The following NUTM2G variants were observed in gnomAD, a reference collection of about 807,000 sequenced individuals.
The protein encoded by NUTM2G is NUT family member 2G.
NUTM2G carries 29 observed loss-of-function variants against 44.3 expected under a neutral mutation model. The ratio of observed to expected loss-of-function variants is 0.66; its 90% CI spans 0.49 to 0.89. NUTM2G has a LOEUF of 0.89. NUTM2G is among the 40% of genes least tolerant of loss of function. The probability of loss-of-function intolerance (pLI) is 0.00; values close to 1 mark genes in which losing one functional copy is unlikely to be tolerated. For missense variants in NUTM2G, 502 were observed against 946.5 expected (o/e 0.53, Z 6.16); for synonymous variants, 205 against 395.9 (o/e 0.52, Z 5.72).
chr9:96,931,183 C>T (rs148635120), intron 1 of NUTM2G, among the ~76,000 whole-genome samples: 6 of 152,012 alleles, frequency 3.9e-5, no homozygotes, highest in South Asian at 2.1e-4. Flanking sequence ...CCAGCATGCC[C>T]GGCCTATCCA....
At position 96,937,221 on chromosome 9, in the gene NUTM2G, G is replaced by A. The variant is rs762786720; in HGVS notation, c.1140G>A (p.Val380=). Residue 380 remains valine (V), a synonymous_variant, in exon 5 of 7, where the codon GTG becomes GTA. Transcript: ENST00000372322. ...KVPEEIPPEV[V]QEYVDIMEEL... ...CTGAGGAGATCCCCCCTGAAGTGGTGCAGGAGTATGTGGACATCATGGAGG... is the reference window on the plus strand; with the variant it reads ...CTGAGGAGATCCCCCCTGAAGTGGTACAGGAGTATGTGGACATCATGGAGG... 8.7e-6 allele frequency: 14 copies of A among 1,613,044 alleles called. No individual in the cohort carries two copies. The highest frequency in any genetic ancestry group is 5.3e-5 in the African/African-American group (4 of 74,900).
At chr9:96,929,819 G>A (rs928373879) in intron 1 of NUTM2G, among the ~76,000 whole-genome samples, 1 of 151,956 alleles carries the variant, frequency 6.6e-6, no homozygotes, top group Non-Finnish European at 1.5e-5. Context: ...GTGTTACTGT[G>A]GAGGTGAAGA....
At chr9:96,932,973 CTTTTCTTTTTTT>C (rs1282230651) in intron 2 of NUTM2G, among the ~76,000 whole-genome samples, 2 of 145,716 alleles carry the variant, frequency 1.4e-5, no homozygotes, top group African/African-American at 5.1e-5. Context: ...CTTTTCTTTT[CTTTTCTTTTTTT>C]TTTTTTTTTT....
chr9:96,931,748 A>C lies in NUTM2G; in HGVS notation c.43A>C (p.Thr15Pro), dbSNP rs1227823908. The C allele has an allele frequency of 1.2e-6, 2 of 1,611,310 alleles. No individual in the cohort carries two copies. The highest frequency in any genetic ancestry group is 1.7e-6 in the Non-Finnish European group (2 of 1,179,818). ...ATACCCAGTGCTGGGACCCGGCGTG[A>C]CCGTGAACCCTGGCACCTCCCTGTC... is the stretch of plus-strand genomic sequence containing the variant. ...GAYPVLGPGV[T>P]VNPGTSLSVF... is the part of the protein sequence containing the mutation. Residue 15 changes from threonine to proline, a missense_variant, in exon 2 of 7, where the codon ACC becomes CCC. Physicochemically the swap from Thr to Pro is conservative, Grantham distance 38. Coordinates refer to ENST00000372322, the MANE Select transcript of NUTM2G (RefSeq NM_001170741.3).
chr9:96,932,978 CTT>C (rs573653882), intron 2 of NUTM2G, among the ~76,000 whole-genome samples: 11 of 129,396 alleles, frequency 8.5e-5, no homozygotes, highest in Admixed American at 7.7e-5. Context: ...CTTTTCTTTT[CTT>C]TTTTTTTTTT....
chr9:96,937,159 C>A lies in NUTM2G; in HGVS notation c.1078C>A (p.Pro360Thr), dbSNP rs754921597. ...RPAETKAHLP[P>T]PRPPRPAETK... ...AGCGGAGACCAAGGCCCACCTGCCA[C>A]CACCCAGGCCCCCGAGGCCAGCAGA... The change falls in exon 5 of 7, where the codon CCA becomes ACA. Residue 360 changes from proline (P) to threonine (T), a missense_variant. Transcript: ENST00000372322. 1 of 1,612,302 alleles carries A rather than the reference C, an allele frequency of 6.2e-7. No homozygotes were observed. The highest frequency in any genetic ancestry group is 2.2e-5 in the East Asian group (1 of 44,886).
At chr9:96,936,314 A>G (rs2257631) in intron 3 of NUTM2G, 111 bp from the exon 4 acceptor site, 335 of 1,529,380 alleles carry the variant, frequency 2.2e-4, no homozygotes, top group East Asian at 1.7e-3. Context: ...GTGAGGGCCT[A>G]GACAGCCCGC....
chr9:96,932,978 C>CTTTTCTTTTCT (rs1554694902), intron 2 of NUTM2G, among the ~76,000 whole-genome samples: 8 of 129,430 alleles, frequency 6.2e-5, no homozygotes, highest in African/African-American at 2.3e-4. Context: ...CTTTTCTTTT[C>CTTTTCTTTTCT]TTTTTTTTTT....
chr9:96,929,767 C>T (rs1297142470), intron 1 of NUTM2G, among the ~76,000 whole-genome samples: 7 of 152,106 alleles, frequency 4.6e-5, no homozygotes, highest in Non-Finnish European at 1.0e-4. Context: ...TTCAGACCCA[C>T]TTCCTCTCGT....
At chr9:96,933,102 C>T (rs1219987651) in intron 2 of NUTM2G, among the ~76,000 whole-genome samples, 2 of 150,730 alleles carry the variant, frequency 1.3e-5, no homozygotes, top group Admixed American at 1.3e-4. Context: ...CTCAGGCTCC[C>T]GAGTAGCTGG....
rs866778726 is a variant in NUTM2G at position 96,931,704 on chromosome 9, T to C, written c.17-18T>C. On this transcript the variant is annotated intron_variant, in intron 1 of 6. Coordinates refer to ENST00000372322, the MANE Select transcript of NUTM2G (RefSeq NM_001170741.3). ...CTGGAGACGCCAGCTCATTCACCTC[T>C]TTCCTTTGTCTCCACAGCATACCCA... The C allele has an allele frequency of 6.2e-7, 1 of 1,611,222 alleles. No individual in the cohort carries two copies. Among genetic ancestry groups the C allele is most frequent in the Non-Finnish European group, 8.5e-7 (1 of 1,179,654 alleles).
rs1301146398 is a variant in NUTM2G, at chr9:96,929,036, T to G, written c.12T>G (p.Asn4Lys). 1.1e-5 allele frequency: 18 copies of G among 1,610,512 alleles called. No individual in the cohort carries two copies. The highest frequency in any genetic ancestry group is 4.5e-5 in the East Asian group (2 of 44,162). Residue 4 changes from asparagine (N) to lysine (K), a missense_variant, in exon 1 of 7, where the codon AAT (asparagine) becomes AAG (lysine). Physicochemically the swap from Asn to Lys is moderately conservative, Grantham distance 94 (BLOSUM62 0). Coordinates refer to ENST00000372322, the MANE Select transcript of NUTM2G (RefSeq NM_001170741.3). The stretch of plus-strand genomic sequence containing the variant: ...CCCAGCCTGAGGGGATGGCTTCAAA[T>G]GGAGGTGAGCCTGTAGGGATGGGGC... MASNGAYPVLGPGV... is the reference protein window; with the variant it reads MASKGAYPVLGPGV...
chr9:96,938,172 G>A (rs1826504330), intron 6 of NUTM2G, among the ~76,000 whole-genome samples, 171 bp downstream of exon 6: 2 of 149,930 alleles, frequency 1.3e-5, no homozygotes, highest in Admixed American at 6.6e-5. Flanking sequence ...AGAGGAGCCA[G>A]GGAGGGGAGT....
chr9:96,937,293 A>G lies in NUTM2G; in HGVS notation c.1212A>G (p.Gln404=). Residue 404 remains glutamine, a synonymous_variant, in exon 5 of 7, where the codon CAA becomes CAG. Transcript: ENST00000372322. ...GGGACACAGGGGAGCCTGAGGGACA[A>G]CGGGAAAAGGGCAAAGTGGAGCAGC... ...HPGDTGEPEG[Q]REKGKVEQPQ... 1 of 1,613,852 alleles carries G rather than the reference A, an allele frequency of 6.2e-7. No individual in the cohort carries two copies. The highest frequency in any genetic ancestry group is 8.5e-7 in the Non-Finnish European group (1 of 1,179,856).
At chr9:96,940,419 T>G (rs1005215186), downstream of NUTM2G, among the ~76,000 whole-genome samples, 1 of 150,084 alleles carries the variant, frequency 6.7e-6, no homozygotes, top group Non-Finnish European at 1.5e-5. Flanking sequence ...TCCCAGGTTG[T>G]CCTGTCCTCC....
intron 3 of NUTM2G, among the ~76,000 whole-genome samples, chr9:96,936,061 GC>G (rs1041606948): frequency 6.7e-6 from 1 of 149,522 alleles, no homozygotes; most frequent in African/African-American, 2.5e-5. Flanking sequence ...TCCTTCAGGG[GC>G]CCACAGTCCC....
At chr9:96,940,658 A>C (rs1176376269), downstream of NUTM2G, among the ~76,000 whole-genome samples, 1 of 152,130 alleles carries the variant, frequency 6.6e-6, no homozygotes, top group Non-Finnish European at 1.5e-5. Flanking sequence ...CACTGCCTGC[A>C]TGCAGAGCTG....
chr9:96,937,540 G>C (rs1159440338), intron 5 of NUTM2G, 136 bp downstream of exon 5: 3 of 764,320 alleles, frequency 3.9e-6, no homozygotes, highest in South Asian at 3.7e-5. Context: ...GTATGTGACT[G>C]TGTGTGTCTG....
chr9:96,934,361 T>C (rs2479284), intron 2 of NUTM2G, among the ~76,000 whole-genome samples: 19 of 152,160 alleles, frequency 1.2e-4, no homozygotes, highest in East Asian at 5.8e-4. Flanking sequence ...GTGAAGGCGG[T>C]CCCGTCTTCC....
Sources: allele counts gnomAD v4.1 joint callset (sites outside exome capture counted in the v4.1 genomes callset), GRCh38; gene constraint gnomAD v4.1.1; transcripts MANE v1.5; gene names NCBI Gene and HGNC (gene_info 2026-07-23, HGNC 2026-07-21).